Variants in STPG2 observed in about 807,000 individuals in gnomAD.
STPG2 encodes sperm-tail PG-rich repeat-containing protein 2.
Under a neutral mutation model 54.2 loss-of-function variants are expected in STPG2, and 56 were observed. The observed-to-expected ratio is 1.03, with a 90% CI of 0.83 to 1.29. The LOEUF is 1.29. Among genes scored for constraint, STPG2 ranks in the 50% most tolerant of loss-of-function variants. The pLI, the probability that STPG2 is intolerant of heterozygous loss-of-function variation, is 0.00. For synonymous variants in STPG2, 200 were observed against 181.8 expected, an observed-to-expected ratio of 1.10 and a Z score of -0.81; for missense variants, 596 against 544.9, an observed-to-expected ratio of 1.09 and a Z score of -0.93.
intron 4 of STPG2, among the ~76,000 whole-genome samples, chr4:97,518,582 G>A (rs1221801604): frequency 2.6e-5 from 4 of 152,028 alleles, no homozygotes; most frequent in African/African-American, 9.7e-5. Context: ...TGGGAAGATA[G>A]ACATAAATTT....
chr4:97,934,792 A>C (rs1271885252), intron 8 of STPG2, among the ~76,000 whole-genome samples: 2 of 152,134 alleles, frequency 1.3e-5, no homozygotes, highest in African/African-American at 4.8e-5. Flanking sequence ...ATCTATGTTC[A>C]TCAGGGATAT....
chr4:97,707,418 G>A (rs1042791318), intron 10 of STPG2, among the ~76,000 whole-genome samples: 5 of 152,130 alleles, frequency 3.3e-5, no homozygotes, highest in Admixed American at 6.6e-5. Context: ...CTACCTGGGA[G>A]GCTGAGGTGG....
chr4:97,889,740 GAA>G (rs760781127), intron 8 of STPG2, among the ~76,000 whole-genome samples: 11 of 152,042 alleles, frequency 7.2e-5, no homozygotes, highest in Non-Finnish European at 1.6e-4. Flanking sequence ...CAGACAGTAG[GAA>G]AAGTCCAAAA....
At chr4:97,454,682 C>T (rs1220515910) in intron 4 of STPG2, among the ~76,000 whole-genome samples, 1 of 151,210 alleles carries the variant, frequency 6.6e-6, no homozygotes, top group Admixed American at 6.6e-5. Context: ...AAAAAAAAAT[C>T]TGGAATATTA....
At chr4:97,591,930 T>A (rs1733156021) in intron 10 of STPG2, among the ~76,000 whole-genome samples, 2 of 152,186 alleles carry the variant, frequency 1.3e-5, no homozygotes, top group South Asian at 2.1e-4. Context: ...ACATAGTATA[T>A]CTTTGAAAAA....
At chr4:97,528,923 T>G (rs1315386473) in intron 4 of STPG2, among the ~76,000 whole-genome samples, 1 of 152,222 alleles carries the variant, frequency 6.6e-6, no homozygotes, top group East Asian at 1.9e-4. Context: ...TCATGTCATC[T>G]GCAAAGAGAG....
At chr4:97,616,048 AT>A (rs1197971344) in intron 10 of STPG2, among the ~76,000 whole-genome samples, 2,463 of 91,884 alleles carry the variant, frequency 0.027, 207 homozygotes, top group African/African-American at 0.096. Context: ...AAAAAAAAAA[AT>A]ACATATAAAT....
At chr4:97,903,644 G>A (rs1731267643) in intron 8 of STPG2, among the ~76,000 whole-genome samples, 1 of 152,222 alleles carries the variant, frequency 6.6e-6, no homozygotes, top group African/African-American at 2.4e-5. Context: ...CCCAGCGTGA[G>A]CAACGCAGAA....
chr4:97,883,281 G>A (rs1028337595), intron 8 of STPG2, among the ~76,000 whole-genome samples: 5 of 151,410 alleles, frequency 3.3e-5, no homozygotes, highest in Admixed American at 2.6e-4. Context: ...CCAGCTACTC[G>A]AGAAGCTGAA....
At chr4:97,759,272 T>C (rs1560516884) in intron 9 of STPG2, among the ~76,000 whole-genome samples, 1 of 152,146 alleles carries the variant, frequency 6.6e-6, no homozygotes, top group Non-Finnish European at 1.5e-5. Flanking sequence ...GGAGGACATC[T>C]TAACTTGCAC....
At chr4:97,972,091 GT>G (rs954006652) in intron 7 of STPG2, among the ~76,000 whole-genome samples, 188 bp downstream of exon 7, 17 of 151,806 alleles carry the variant, frequency 1.1e-4, no homozygotes, top group Admixed American at 3.9e-4. Context: ...TTCAATTTGT[GT>G]TTTTTATTTC....
intron 8 of STPG2, among the ~76,000 whole-genome samples, chr4:97,934,807 C>A (rs1223749404): frequency 6.6e-6 from 1 of 152,006 alleles, no homozygotes; most frequent in African/African-American, 2.4e-5. Flanking sequence ...GGATATTGGC[C>A]TGAAGTTTTT....
intron 10 of STPG2, among the ~76,000 whole-genome samples, chr4:97,699,633 G>A (rs916458173): frequency 2.6e-5 from 4 of 152,178 alleles, no homozygotes; most frequent in Non-Finnish European, 5.9e-5. Flanking sequence ...CCACTGAGGA[G>A]AGTTCCCTTC....
chr4:97,665,229 T>C (rs1722489112), intron 10 of STPG2, among the ~76,000 whole-genome samples: 1 of 152,210 alleles, frequency 6.6e-6, no homozygotes, highest in Admixed American at 6.5e-5. Context: ...ATTTCAGCTC[T>C]GTTTGCGTTA....
intron 8 of STPG2, among the ~76,000 whole-genome samples, chr4:97,908,309 A>T (rs1335007745): frequency 2.0e-5 from 3 of 152,020 alleles, no homozygotes; most frequent in Non-Finnish European, 2.9e-5. Context: ...TCAAAACCAC[A>T]ATGAGATACC....
intron 10 of STPG2, among the ~76,000 whole-genome samples, chr4:97,562,664 T>G (rs889022643): frequency 5.4e-4 from 82 of 152,180 alleles, no homozygotes; most frequent in Non-Finnish European, 2.9e-4. Context: ...GTTGTTGAAT[T>G]TTGTCAAAGG....
intron 4 of STPG2, among the ~76,000 whole-genome samples, chr4:97,465,795 A>G (rs538665206): frequency 6.6e-6 from 1 of 151,882 alleles, no homozygotes; most frequent in Non-Finnish European, 1.5e-5. Flanking sequence ...TTGCTGTTGA[A>G]TTGTACTTTT....
intron 9 of STPG2, among the ~76,000 whole-genome samples, chr4:97,823,313 A>C (rs1443982846): frequency 7.2e-5 from 11 of 152,214 alleles, no homozygotes; most frequent in Admixed American, 7.2e-4. Context: ...CTTTAGGTTG[A>C]AGTCAATGCT....
intron 7 of STPG2, among the ~76,000 whole-genome samples, chr4:97,955,467 G>T (rs182333987): frequency 7.9e-5 from 12 of 151,982 alleles, no homozygotes; most frequent in Admixed American, 7.2e-4. Flanking sequence ...CACCCATCTC[G>T]GCCTCCCAAA....
Sources: gnomAD v4.1 joint callset for allele counts (sites outside exome capture counted in the v4.1 genomes callset) on GRCh38, gnomAD v4.1.1 for gene constraint, MANE v1.5 for transcripts, NCBI Gene and HGNC (gene_info 2026-07-23, HGNC 2026-07-21) for gene names.